The following AP4S1 variants were observed in gnomAD, a reference collection of about 807,000 sequenced individuals.
AP4S1 encodes adaptor related protein complex 4 subunit sigma 1, also known as AP-4 complex subunit sigma-1.
AP4S1 carries 23 observed loss-of-function variants against 19.8 expected under a neutral mutation model. The observed-to-expected ratio is 1.16, with a 90% CI of 0.84 to 1.65. AP4S1 has a LOEUF of 1.65. Among genes scored for constraint, AP4S1 ranks in the 40% most tolerant of loss-of-function variants. The pLI, the probability that AP4S1 is intolerant of heterozygous loss-of-function variation, is 0.00. For missense variants in AP4S1, 166 were observed against 172.8 expected, an observed-to-expected ratio of 0.96 and a Z score of 0.22; for synonymous variants, 46 against 54.1, an observed-to-expected ratio of 0.85 and a Z score of 0.66.
At chr14:31,040,891 G>C (rs1030526204) in intron 1 of AP4S1, among the ~76,000 whole-genome samples, 3 of 151,710 alleles carry the variant, frequency 2.0e-5, no homozygotes, top group Non-Finnish European at 4.4e-5. Flanking sequence ...TACATAACAT[G>C]GTGAAACCCC....
At chr14:31,079,993 A>G (rs1258720515) in intron 4 of AP4S1, among the ~76,000 whole-genome samples, 1 of 152,200 alleles carries the variant, frequency 6.6e-6, no homozygotes, top group South Asian at 2.1e-4. Context: ...TTATACATAC[A>G]TACATAGGAT....
intron 1 of AP4S1, chr14:31,026,124 T>C: frequency 6.6e-7 from 1 of 1,504,498 alleles, no homozygotes; most frequent in Non-Finnish European, 8.8e-7. Context: ...AGGTCCCTGC[T>C]GCTGCCGGGG....
At chr14:31,074,798 C>T (rs1208611795) in intron 4 of AP4S1, among the ~76,000 whole-genome samples, 2 of 149,900 alleles carry the variant, frequency 1.3e-5, no homozygotes, top group East Asian at 2.0e-4. Flanking sequence ...GACAAAGAAA[C>T]GTACCCATTA....
chr14:31,033,473 A>G (rs970530465), intron 1 of AP4S1, among the ~76,000 whole-genome samples: 2 of 152,086 alleles, frequency 1.3e-5, no homozygotes, highest in Non-Finnish European at 2.9e-5. Flanking sequence ...CAGCCTCCCA[A>G]AGTGCTGGGA....
chr14:31,093,218 T>C lies in AP4S1; in HGVS notation c.*183T>C, dbSNP rs9181. The C allele has an allele frequency of 3.7e-3, 1,909 of 521,178 alleles. 34 individuals are homozygous for C. The highest frequency in any genetic ancestry group is 0.034 in the African/African-American group (1,681 of 49,780). 32.3% of individuals were successfully genotyped at this position (521,178 alleles called of 1,614,324 possible). On this transcript the variant is annotated 3_prime_UTR_variant, in exon 6 of 6. Transcript: ENST00000542754. ...AAGAAAACACAACTGTACTTTAAAA[T>C]ATGTACAAAGAAAAAAATTTCTTTA...
chr14:31,062,604 T>C (rs560675319), intron 1 of AP4S1, among the ~76,000 whole-genome samples: 39 of 152,338 alleles, frequency 2.6e-4, no homozygotes, highest in African/African-American at 9.1e-4. Flanking sequence ...TTTAATATAC[T>C]TGCATTAACA....
chr14:31,032,874 C>G (rs1470337019), intron 1 of AP4S1: 3 of 152,194 alleles, frequency 2.0e-5, no homozygotes, highest in African/African-American at 7.2e-5. Flanking sequence ...ACCTGGCATC[C>G]TTCTACCAAA....
chr14:31,085,761 G>A (rs1359727797), intron 5 of AP4S1: 1 of 940,590 alleles, frequency 1.1e-6, no homozygotes, highest in Non-Finnish European at 1.3e-6. Context: ...AACAGAGCGA[G>A]ACCTTGTCTT....
intron 1 of AP4S1, among the ~76,000 whole-genome samples, chr14:31,060,041 ATATATATT>A (rs974966001): frequency 1.6e-4 from 23 of 146,762 alleles, no homozygotes; most frequent in Admixed American, 3.4e-4. Context: ...GTATATATGT[ATATATATT>A]TATATATTTA....
intron 4 of AP4S1, among the ~76,000 whole-genome samples, chr14:31,073,745 G>T (rs543575580): frequency 1.2e-4 from 18 of 151,328 alleles, no homozygotes; most frequent in African/African-American, 4.3e-4. Flanking sequence ...TCTCCATGTT[G>T]GTCAGGCAGG....
At chr14:31,060,588 T>C (rs557926913) in intron 1 of AP4S1, among the ~76,000 whole-genome samples, 2 of 152,270 alleles carry the variant, frequency 1.3e-5, no homozygotes, top group African/African-American at 4.8e-5. Context: ...TCTGAGCTTT[T>C]AAGCAATGCC....
chr14:31,053,434 C>G (rs955913748), intron 1 of AP4S1, among the ~76,000 whole-genome samples: 5 of 151,948 alleles, frequency 3.3e-5, no homozygotes, highest in African/African-American at 1.2e-4. Context: ...AAGAAGAAAT[C>G]CAAAGCAAGT....
chr14:31,055,845 T>C (rs1348134678), intron 1 of AP4S1, among the ~76,000 whole-genome samples: 1 of 152,018 alleles, frequency 6.6e-6, no homozygotes, highest in Non-Finnish European at 1.5e-5. Context: ...TTTTCTTTTT[T>C]CTTTTTTTGT....
At chr14:31,092,439 C>A (rs1022786032) in intron 5 of AP4S1, among the ~76,000 whole-genome samples, 1 of 152,102 alleles carries the variant, frequency 6.6e-6, no homozygotes, top group Non-Finnish European at 1.5e-5. Flanking sequence ...CCTGTTTGAT[C>A]CTGGGTAAAC....
chr14:31,059,444 C>G (rs548549215), intron 1 of AP4S1, among the ~76,000 whole-genome samples: 1 of 152,262 alleles, frequency 6.6e-6, no homozygotes, highest in South Asian at 2.1e-4. Flanking sequence ...CATTTAAAGG[C>G]AAAGGTTTGG....
At chr14:31,087,620 G>A (rs1460532878) in intron 5 of AP4S1, among the ~76,000 whole-genome samples, 1 of 152,190 alleles carries the variant, frequency 6.6e-6, no homozygotes, top group East Asian at 1.9e-4. Context: ...CTCCCAAAGT[G>A]TTGGGATTAC....
intron 5 of AP4S1, among the ~76,000 whole-genome samples, chr14:31,083,924 A>AGG (rs1324421224): frequency 2.6e-5 from 4 of 152,156 alleles, no homozygotes; most frequent in African/African-American, 9.7e-5. Flanking sequence ...CAGAAAGATG[A>AGG]GGGGATCTTG....
chr14:31,037,567 C>T (rs528149830), intron 1 of AP4S1, among the ~76,000 whole-genome samples: 5 of 152,184 alleles, frequency 3.3e-5, no homozygotes, highest in African/African-American at 1.2e-4. Flanking sequence ...TTTACTAGTC[C>T]AAAGATTGTG....
rs531380497 is a variant in AP4S1 at position 31,056,419 on chromosome 14, C to A, written c.-71-9707C>A. Reference sequence around the variant, plus strand: ...TGTCGCCCAGGCTGGAGTGCAGTGGCGCGATCTCAGCTCACTGCAACCTCC... The same window carrying A: ...TGTCGCCCAGGCTGGAGTGCAGTGGAGCGATCTCAGCTCACTGCAACCTCC... On this transcript the variant is annotated intron_variant, in intron 1 of 5. Transcript: ENST00000542754. Among the ~76,000 whole-genome samples the A allele has an allele frequency of 2.0e-5, 3 of 151,678 alleles. No homozygotes were observed. The East Asian group carries it at 5.9e-4, about 30-fold the overall frequency.
Sources: allele counts gnomAD v4.1 joint callset (sites outside exome capture counted in the v4.1 genomes callset), GRCh38; gene constraint gnomAD v4.1.1; transcripts MANE v1.5; gene names NCBI Gene and HGNC (gene_info 2026-07-23, HGNC 2026-07-21).